Variants in FMNL3 observed in about 807,000 individuals in gnomAD.
FMNL3 encodes the protein formin-like protein 3.
A neutral mutation model predicts 119.6 loss-of-function variants in FMNL3; 57 were observed. The observed-to-expected ratio is 0.48, with a 90% confidence interval of 0.39 to 0.59. The LOEUF is 0.59. FMNL3 is among the 20% of genes least tolerant of loss of function. The pLI is 0.00. For synonymous variants in FMNL3, 491 were observed against 507.3 expected (o/e 0.97, Z 0.43); for missense variants, 1,053 against 1,323.5 (o/e 0.80, Z 3.17).
intron 5 of FMNL3, among the ~76,000 whole-genome samples, chr12:49,661,136 T>A (rs189404077): frequency 6.9e-4 from 105 of 152,364 alleles, no homozygotes; most frequent in African/African-American, 2.4e-3. Context: ...TGTAATTTCA[T>A]ATATTCAGGT....
intron 2 of FMNL3, among the ~76,000 whole-genome samples, chr12:49,667,016 G>A (rs1943909853): frequency 6.6e-6 from 1 of 152,038 alleles, no homozygotes; most frequent in Non-Finnish European, 1.5e-5. Context: ...ACAATCCAAA[G>A]CAACCTCAAA....
intron 1 of FMNL3, among the ~76,000 whole-genome samples, chr12:49,698,590 G>A (rs1160408254): frequency 5.9e-5 from 9 of 151,590 alleles, no homozygotes; most frequent in Non-Finnish European, 1.2e-4. Flanking sequence ...CCACAACTTT[G>A]TTGTGAGGTG....
In FMNL3 at chr12:49,637,706, C is replaced by T; in HGVS notation, c.*8109G>A. 1 of 1,522,544 alleles carries T rather than the reference C, an allele frequency of 6.6e-7. No homozygotes were observed. The highest frequency in any genetic ancestry group is 9.0e-7 in the Non-Finnish European group (1 of 1,105,298). 94.3% of individuals were successfully genotyped at this position (1,522,544 alleles called of 1,614,324 possible). A position where few individuals can be genotyped will look rare whatever the true frequency, so the allele number is the denominator to read the frequency against. ...CAGGCCTTGGGAAGCTGCCGCCCGC[C>T]AGGCCCCCCTCCCTCCCTCCTTACA... On this transcript the variant is annotated 3_prime_UTR_variant, in exon 26 of 26. Coordinates refer to ENST00000335154, the MANE Select transcript of FMNL3 (RefSeq NM_175736.5).
intron 1 of FMNL3, among the ~76,000 whole-genome samples, chr12:49,676,520 G>GTTTTTTTTTTTTTTTTTTTTTTT (rs58117011): frequency 9.7e-6 from 1 of 102,996 alleles, no homozygotes; most frequent in Non-Finnish European, 2.0e-5. Context: ...TTCATAGTGG[G>GTTTTTTTTTTTTTTTTTTTTTTT]TTTTTTTTTT....
intron 3 of FMNL3, 60 bp from the exon 4 acceptor site, chr12:49,665,968 T>C (rs1184063130): frequency 4.4e-6 from 7 of 1,585,760 alleles, no homozygotes; most frequent in Non-Finnish European, 5.2e-6. Context: ...TTTCCCTCCA[T>C]TACTGGCCAG....
chr12:49,667,383 A>G (rs1042450421), intron 2 of FMNL3, among the ~76,000 whole-genome samples: 3 of 152,254 alleles, frequency 2.0e-5, no homozygotes, highest in Non-Finnish European at 2.9e-5. Flanking sequence ...AACCCCAAGC[A>G]GGTGCTAACC....
chr12:49,647,398 A>C lies in FMNL3; in HGVS notation c.2779-30T>G, dbSNP rs757386906. The C allele has an allele frequency of 2.4e-5, 38 of 1,602,688 alleles. No individual in the cohort carries two copies. The highest frequency in any genetic ancestry group is 1.6e-4 in the Middle Eastern group (1 of 6,074). The stretch of plus-strand genomic sequence containing the variant: ...GAGCCATGGAAGATGGGGGGTGGGG[A>C]GTGAGGCTCATAGGCTGTGAGGGGA... On this transcript the variant is annotated intron_variant, in intron 23 of 25. Coordinates refer to ENST00000335154, the MANE Select transcript of FMNL3 (RefSeq NM_175736.5). This position sits in a 1 kb window ranked among gnomAD's most constrained non-coding sequence, Gnocchi z 4.9.
intron 1 of FMNL3, among the ~76,000 whole-genome samples, chr12:49,684,862 G>A (rs1259765656): frequency 2.0e-5 from 3 of 152,214 alleles, no homozygotes; most frequent in African/African-American, 7.2e-5. Flanking sequence ...TGATTCTGCT[G>A]AGTGGCAAGT....
At chr12:49,699,069 C>A (rs1944831979) in intron 1 of FMNL3, among the ~76,000 whole-genome samples, 1 of 152,222 alleles carries the variant, frequency 6.6e-6, no homozygotes, top group Non-Finnish European at 1.5e-5. Flanking sequence ...CCTAGCCTTT[C>A]CCTGGCTCTG....
chr12:49,651,497 T>G, intron 14 of FMNL3, 47 bp from the exon 15 acceptor site: 2 of 1,375,568 alleles, frequency 1.5e-6, no homozygotes, highest in Non-Finnish European at 1.9e-6. Context: ...CAAGAGACTC[T>G]TCATAGGCTT....
In FMNL3 at chr12:49,657,170, CG is replaced by C. The variant is rs1565873734; in HGVS notation, c.625del (p.Arg209AlafsTer4). The C allele has an allele frequency of 1.9e-6, 3 of 1,613,896 alleles. No individual in the cohort carries two copies. The African/African-American group carries it at 4.0e-5, about 22-fold the overall frequency. On this transcript the variant is annotated frameshift_variant, in exon 7 of 26. Coordinates refer to ENST00000335154, the MANE Select transcript of FMNL3 (RefSeq NM_175736.5). LOFTEE classifies it high-confidence loss of function. ...TAGGCGGGAGTTCTTCAGGGCCCTGCGCCCAGGGAGAGTGCTATACCTGGGG... is the reference window on the plus strand; with the variant it reads ...TAGGCGGGAGTTCTTCAGGGCCCTGCCCCAGGGAGAGTGCTATACCTGGGG... ...SVLRYSTLPG[R>X]RALKNSRLVS...
chr12:49,663,107 G>A (rs534495756), intron 4 of FMNL3, among the ~76,000 whole-genome samples: 1 of 152,330 alleles, frequency 6.6e-6, no homozygotes, highest in Non-Finnish European at 1.5e-5. Flanking sequence ...TCTGGCTGAA[G>A]CTGACTGACA....
chr12:49,663,855 G>C (rs548989945), intron 4 of FMNL3, among the ~76,000 whole-genome samples: 32 of 152,356 alleles, frequency 2.1e-4, no homozygotes, highest in Admixed American at 1.2e-3. Context: ...AACAAGGCTA[G>C]GTACTAGTGG....
chr12:49,688,507 T>C, intron 1 of FMNL3: 1 of 456,090 alleles, frequency 2.2e-6, no homozygotes. Context: ...CTTCTTGCAG[T>C]TCCTCAAATG....
At chr12:49,650,240 C>T in intron 17 of FMNL3, among the ~76,000 whole-genome samples, 1 of 152,218 alleles carries the variant, frequency 6.6e-6, no homozygotes, top group East Asian at 1.9e-4. Context: ...CCTCTCCCTA[C>T]ACTAAAGCCA....
In FMNL3 at chr12:49,651,215, T is replaced by C; in HGVS notation, c.1750A>G (p.Ile584Val). The C allele has an allele frequency of 6.2e-7, 1 of 1,613,874 alleles. No individual in the cohort carries two copies. Among genetic ancestry groups the C allele is most frequent in the Non-Finnish European group, 8.5e-7 (1 of 1,179,790 alleles). Residue 584 changes from isoleucine to valine, a missense_variant, in exon 16 of 26, where the codon ATC becomes GTC. Around this residue, in one of 4 missense-constraint regions of FMNL3, gnomAD observed 445 missense variants for 628.4 expected, o/e 0.71. Coordinates refer to ENST00000335154, the MANE Select transcript of FMNL3 (RefSeq NM_175736.5). The part of the protein sequence containing the change: ...FNWTALKPNQ[I>V]SGTVFSELDD... ...AGTTCGCTGAAGACAGTGCCACTGA[T>C]CTGGTTGGGTTTCAGTGCTGTCCAG...
At chr12:49,688,825 G>A (rs1944532449) in intron 1 of FMNL3, among the ~76,000 whole-genome samples, 1 of 152,184 alleles carries the variant, frequency 6.6e-6, no homozygotes, top group Admixed American at 6.5e-5. Flanking sequence ...GAAAACACTA[G>A]CAGGTATAAA....
At chr12:49,659,122 G>C (rs1003421942) in intron 5 of FMNL3, among the ~76,000 whole-genome samples, 1 of 152,262 alleles carries the variant, frequency 6.6e-6, no homozygotes, top group South Asian at 2.1e-4. Context: ...AAATGGAAGG[G>C]AAAGGGGGTT....
intron 1 of FMNL3, among the ~76,000 whole-genome samples, chr12:49,683,495 G>A (rs1270149033): frequency 6.6e-6 from 1 of 151,960 alleles, no homozygotes; most frequent in African/African-American, 2.4e-5. Context: ...AATCTAATCA[G>A]CCATCAAAAA....
Sources: gnomAD v4.1 joint callset for allele counts (sites outside exome capture counted in the v4.1 genomes callset) on GRCh38, gnomAD v4.1.1 for gene constraint, gnomAD v4.1.1 regional missense constraint, Gnocchi (gnomAD v3.1) non-coding constraint, MANE v1.5 for transcripts, NCBI Gene and HGNC (gene_info 2026-07-23, HGNC 2026-07-21) for gene names.